Variants in POLE observed in about 807,000 individuals in gnomAD.
POLE encodes the protein DNA polymerase epsilon catalytic subunit A.
In POLE, 188 loss-of-function variants were observed where a neutral mutation model predicts 279.2. The ratio of observed to expected loss-of-function variants is 0.67; its 90% CI spans 0.60 to 0.76. The LOEUF is 0.76. Among genes scored for constraint, POLE ranks in the 30% least tolerant of loss-of-function variants. The pLI is 0.00. For missense variants in POLE, 2,703 were observed against 3,016.7 expected (o/e 0.90, Z 2.44); for synonymous variants, 1,214 against 1,172.5 (o/e 1.04, Z -0.72).
Position 132,637,999 on chromosome 12 carries a change from A to T in POLE, c.5678+15T>A, listed in dbSNP as rs2138499581. 2 of 1,613,358 alleles carry T rather than the reference A, an allele frequency of 1.2e-6. No individual in the cohort carries two copies. The highest frequency in any genetic ancestry group is 1.7e-6 in the Non-Finnish European group (2 of 1,179,506). On this transcript the variant is annotated intron_variant, in intron 41 of 48. Coordinates refer to ENST00000320574, the MANE Select transcript of POLE (RefSeq NM_006231.4). Reference sequence around the variant, plus strand: ...AAAGCCACAGTGCTGCGTCACCAGGACCAGCCAGCCGCACCTGCTGGTGAT... The same window carrying T: ...AAAGCCACAGTGCTGCGTCACCAGGTCCAGCCAGCCGCACCTGCTGGTGAT...
chr12:132,666,718 G>A (rs1414426768), intron 20 of POLE, among the ~76,000 whole-genome samples: 1 of 152,246 alleles, frequency 6.6e-6, no homozygotes, highest in African/African-American at 2.4e-5. Context: ...GGCCAGGGAG[G>A]AGGTGGGGAG....
intron 2 of POLE, 40 bp from the exon 3 acceptor site, chr12:132,680,727 C>G (rs1279524827): frequency 2.7e-6 from 4 of 1,490,402 alleles, no homozygotes; most frequent in Non-Finnish European, 3.7e-6. Context: ...AGACCATCCT[C>G]TACACAGTTA....
At chr12:132,666,371 T>C (rs2042797059) in intron 20 of POLE, among the ~76,000 whole-genome samples, 1 of 152,246 alleles carries the variant, frequency 6.6e-6, no homozygotes, top group African/African-American at 2.4e-5. Flanking sequence ...ATAGATGACC[T>C]GAGTTCAGGA....
Position 132,632,710 on chromosome 12 carries a change from G to A in POLE, c.6090C>T (p.Ala2030=), listed in dbSNP as rs1593708887. 6.2e-7 allele frequency: 1 copy of A among 1,613,802 alleles called. No homozygotes were observed. The highest frequency in any genetic ancestry group is 1.3e-5 in the African/African-American group (1 of 75,022). The change falls in exon 44 of 49, where the codon GCC becomes GCT. Residue 2030 remains alanine, a synonymous_variant. Coordinates refer to ENST00000320574, the MANE Select transcript of POLE (RefSeq NM_006231.4). ...PGSTPVRRRG[A]SQLSQEAEGA... ...CCTCGGCCTCCTGGGAGAGCTGGCT[G>A]GCCCCCCTCCTCCTCACGGGGGTGC... is the stretch of plus-strand genomic sequence containing the variant.
At chr12:132,677,274 T>G (rs982790844) in intron 8 of POLE, 89 bp downstream of exon 8, 5 of 922,478 alleles carry the variant, frequency 5.4e-6, no homozygotes, top group African/African-American at 4.9e-5. Flanking sequence ...CAAACATATC[T>G]TTGAGTCAGA....
chr12:132,683,732 A>C (rs996910394), intron 1 of POLE, among the ~76,000 whole-genome samples: 1 of 152,264 alleles, frequency 6.6e-6, no homozygotes, highest in Admixed American at 6.5e-5. Context: ...CCTCTATGCC[A>C]GTCCTCCAAA....
chr12:132,641,312 C>T, intron 39 of POLE: 5 of 406,660 alleles, frequency 1.2e-5, no homozygotes, highest in South Asian at 1.0e-4. Context: ...GTGCTGATGC[C>T]TCACACATCA....
chr12:132,675,751 C>T lies in POLE; in HGVS notation c.1090G>A (p.Gly364Arg), dbSNP rs2043034419. 3 of 1,613,956 alleles carry T rather than the reference C, an allele frequency of 1.9e-6. No individual in the cohort carries two copies. The highest frequency in any genetic ancestry group is 1.1e-5 in the South Asian group (1 of 91,078). ...CAGACTCACCAGTCAAAAAAGTCCC[C>T]GTTGTAGGTGACCATGATGGTGGGT... ...TKPTIMVTYN[G>R]DFFDWPFVEA... Residue 364 changes from glycine to arginine, a missense_variant, in exon 11 of 49, where the codon GGG (glycine) becomes AGG (arginine). This residue lies in a region of POLE where 1,011 missense variants were observed against 1,111.7 expected (regional missense o/e 0.91). Transcript: ENST00000320574. The surrounding 1 kb of genome is among the most constrained non-coding windows in gnomAD (Gnocchi z 4.3).
At position 132,659,408 on chromosome 12, in the gene POLE, G is replaced by A. The variant is rs1593772512; in HGVS notation, c.3162C>T (p.Ile1054=). 1 of 1,614,204 alleles carries A rather than the reference G, an allele frequency of 6.2e-7. No homozygotes were observed. Among genetic ancestry groups the A allele is most frequent in the Non-Finnish European group, 8.5e-7 (1 of 1,180,016 alleles). The change falls in exon 26 of 49, where the codon ATC becomes ATT. Residue 1054 remains isoleucine (I), a synonymous_variant. Coordinates refer to ENST00000320574, the MANE Select transcript of POLE (RefSeq NM_006231.4). ...ACTCGGCCAGGCGCTTTGCTGTGCTGATGGACGTAGACTTCTGCTCCCCGT... is the reference window on the plus strand; with the variant it reads ...ACTCGGCCAGGCGCTTTGCTGTGCTAATGGACGTAGACTTCTGCTCCCCGT... ...EDYGEQKSTS[I]STAKRLAEFL... is the part of the protein sequence containing the mutation.
chr12:132,670,694 C>T (rs181387317), intron 16 of POLE, among the ~76,000 whole-genome samples: 6 of 151,952 alleles, frequency 3.9e-5, no homozygotes, highest in African/African-American at 1.2e-4. Context: ...GGGGTTTCAC[C>T]GTGTTAGCCA....
rs1400360073 is a variant in POLE, at chr12:132,641,526, G to T, written c.5378+121C>A. The T allele has an allele frequency of 5.0e-6, 4 of 799,212 alleles. No individual in the cohort carries two copies. In the East Asian group the frequency reaches 1.1e-4, roughly 21 times the overall value. The allele number at this position is 799,212 out of a possible 1,614,324, so 49.5% of individuals were successfully genotyped here. ...GAAAACTCGCCACACAGTGGTCTCT[G>T]GCTCTGCCATTAAGACTAAGGGAAG... On this transcript the variant is annotated intron_variant, in intron 39 of 48. Coordinates refer to ENST00000320574, the MANE Select transcript of POLE (RefSeq NM_006231.4).
intron 26 of POLE, chr12:132,658,252 G>A (rs5744882): frequency 5.8e-5 from 20 of 342,690 alleles, no homozygotes; most frequent in African/African-American, 2.3e-4. Flanking sequence ...ATGCGTGTGC[G>A]TAGACATGTC....
At chr12:132,671,934 C>T (rs1357216520) in intron 16 of POLE, among the ~76,000 whole-genome samples, 1 of 152,092 alleles carries the variant, frequency 6.6e-6, no homozygotes, top group East Asian at 1.9e-4. Flanking sequence ...AAAATAAAGT[C>T]CTAATGCTTT....
intron 42 of POLE, among the ~76,000 whole-genome samples, chr12:132,635,681 G>A (rs1565929757): frequency 1.3e-5 from 2 of 152,220 alleles, no homozygotes; most frequent in African/African-American, 4.8e-5. Flanking sequence ...GTTGCCCACG[G>A]CAAGCCTTGC....
At chr12:132,683,022 T>C (rs1236719249) in intron 1 of POLE, among the ~76,000 whole-genome samples, 1 of 152,012 alleles carries the variant, frequency 6.6e-6, no homozygotes, top group African/African-American at 2.4e-5. Context: ...TCTGAAGGTA[T>C]TCCTTGGATC....
At chr12:132,682,301 AAAATAAAT>A (rs2043185289) in intron 1 of POLE, among the ~76,000 whole-genome samples, 2 of 138,954 alleles carry the variant, frequency 1.4e-5, no homozygotes, top group East Asian at 2.1e-4. Context: ...CAAAAAAAAA[AAAATAAAT>A]AAAAATAAAT....
chr12:132,679,933 G>C, intron 5 of POLE, 21 bp downstream of exon 5: 1 of 1,561,746 alleles, frequency 6.4e-7, no homozygotes, highest in African/African-American at 1.4e-5. Flanking sequence ...TTTACCCCTG[G>C]AAAGTCTGGG....
chr12:132,625,915 C>G, intron 46 of POLE, 145 bp from the exon 47 acceptor site: 1 of 1,218,750 alleles, frequency 8.2e-7, no homozygotes, highest in Non-Finnish European at 1.1e-6. Context: ...CTCTGGCCTC[C>G]CACCTGCACT....
Position 132,668,536 on chromosome 12 carries a change from G to T in POLE, c.2027-34C>A. 6.3e-7 allele frequency: 1 copy of T among 1,581,004 alleles called. No individual in the cohort carries two copies. On this transcript the variant is annotated intron_variant, in intron 18 of 48. Transcript: ENST00000320574. This position sits in a 1 kb window ranked among gnomAD's most constrained non-coding sequence, Gnocchi z 4.0. Reference sequence around the variant, plus strand: ...GAGGCAATGGGGGCAAGTTCAAAAGGAGGCACAGACACACCGGCTTCCCAC... The same window carrying T: ...GAGGCAATGGGGGCAAGTTCAAAAGTAGGCACAGACACACCGGCTTCCCAC...
Sources: allele counts gnomAD v4.1 joint callset (sites outside exome capture counted in the v4.1 genomes callset), GRCh38; gene constraint gnomAD v4.1.1; regional missense constraint gnomAD v4.1.1; non-coding constraint Gnocchi (gnomAD v3.1); transcripts MANE v1.5; gene names NCBI Gene and HGNC (gene_info 2026-07-23, HGNC 2026-07-21).